Variants in GRID2 observed in about 807,000 individuals in gnomAD.
GRID2 encodes the protein glutamate receptor ionotropic, delta-2.
A neutral mutation model predicts 114.8 loss-of-function variants in GRID2; 33 were observed. That is an observed-to-expected ratio of 0.29 (90% confidence interval 0.22 to 0.38). GRID2 has a LOEUF of 0.38. Ranked by LOEUF, GRID2 falls within the 10% of genes least tolerant of loss-of-function variation. GRID2 has a pLI of 1.00. For missense variants in GRID2, 1,184 were observed against 1,257.7 expected (o/e 0.94, Z 0.89); for synonymous variants, 505 against 449.9 (o/e 1.12, Z -1.55).
chr4:93,105,231 C>T (rs554833904), intron 3 of GRID2, among the ~76,000 whole-genome samples: 55 of 151,988 alleles, frequency 3.6e-4, no homozygotes, highest in South Asian at 2.7e-3. Context: ...GAGTAGGTTG[C>T]GAAAATTTTC....
chr4:93,613,148 G>A (rs967267058), intron 13 of GRID2, among the ~76,000 whole-genome samples: 1 of 148,800 alleles, frequency 6.7e-6, no homozygotes, highest in African/African-American at 2.5e-5. Flanking sequence ...CTCGAGCCTT[G>A]GTTTTCAGGT....
chr4:93,432,625 A>G (rs978029133), intron 10 of GRID2, among the ~76,000 whole-genome samples: 2 of 152,168 alleles, frequency 1.3e-5, no homozygotes, highest in African/African-American at 4.8e-5. Context: ...TAGATGAAGC[A>G]TAGGGGATTT....
intron 1 of GRID2, among the ~76,000 whole-genome samples, chr4:92,541,226 T>C (rs1050717277): frequency 2.0e-5 from 3 of 151,794 alleles, no homozygotes; most frequent in Non-Finnish European, 2.9e-5. Flanking sequence ...CACACCAACA[T>C]GGCACATGTA....
At chr4:93,476,799 A>C (rs1725362514) in intron 11 of GRID2, among the ~76,000 whole-genome samples, 1 of 152,130 alleles carries the variant, frequency 6.6e-6, no homozygotes, top group African/African-American at 2.4e-5. Flanking sequence ...TTGTTTTTGA[A>C]ACTTATATCA....
chr4:92,657,283 A>C (rs770644913), intron 2 of GRID2, among the ~76,000 whole-genome samples: 1 of 151,662 alleles, frequency 6.6e-6, no homozygotes, highest in Non-Finnish European at 1.5e-5. Flanking sequence ...GTGACTTCAT[A>C]GTGTCTGAAC....
rs184875732 is a variant in GRID2 at position 92,425,907 on chromosome 4, A to T, written c.88+121163A>T. On this transcript the variant is annotated intron_variant, in intron 1 of 15. Coordinates refer to ENST00000282020, the MANE Select transcript of GRID2 (RefSeq NM_001510.4). ...TACTCAATATGTATTAGGTGTTATT[A>T]TTATTTGTATTTTTTAATCAGGAAA... Among the ~76,000 whole-genome samples the T allele has an allele frequency of 7.3e-4, 111 of 152,192 alleles. 1 individual carries two copies. The East Asian group carries it at 0.02, about 28-fold the overall frequency.
At chr4:93,675,154 A>G (rs75906609) in intron 14 of GRID2, among the ~76,000 whole-genome samples, 4,661 of 152,208 alleles carry the variant, frequency 0.031, 110 homozygotes, top group African/African-American at 0.062. Context: ...CCTGTCATAT[A>G]TTGCGTGTGT....
chr4:93,644,486 G>A (rs1403375885), intron 14 of GRID2, among the ~76,000 whole-genome samples: 1 of 152,090 alleles, frequency 6.6e-6, no homozygotes, highest in Non-Finnish European at 1.5e-5. Context: ...GGTTTTGATA[G>A]TAAAATTTTT....
At chr4:92,907,032 ACTT>A (rs1022389778) in intron 2 of GRID2, among the ~76,000 whole-genome samples, 10 of 152,264 alleles carry the variant, frequency 6.6e-5, no homozygotes, top group African/African-American at 9.6e-5. Context: ...TATGTAGCAC[ACTT>A]CTTCTTGTTT....
intron 13 of GRID2, among the ~76,000 whole-genome samples, chr4:93,582,097 G>A (rs1157968040): frequency 6.6e-6 from 1 of 152,134 alleles, no homozygotes; most frequent in Non-Finnish European, 1.5e-5. Flanking sequence ...TGGGTCACAT[G>A]TTCAAAATGG....
At chr4:93,226,282 A>T (rs1193658629) in intron 7 of GRID2, among the ~76,000 whole-genome samples, 1 of 152,190 alleles carries the variant, frequency 6.6e-6, no homozygotes, top group Non-Finnish European at 1.5e-5. Flanking sequence ...CACATGATTC[A>T]TCATGACGCA....
intron 12 of GRID2, among the ~76,000 whole-genome samples, chr4:93,498,661 T>A (rs1426698201): frequency 6.6e-6 from 1 of 151,842 alleles, no homozygotes; most frequent in Non-Finnish European, 1.5e-5. Flanking sequence ...CTTTATTAGT[T>A]TTAGGAGTTT....
At chr4:93,187,129 C>T (rs1294738563) in intron 4 of GRID2, among the ~76,000 whole-genome samples, 2 of 152,148 alleles carry the variant, frequency 1.3e-5, no homozygotes, top group Non-Finnish European at 2.9e-5. Flanking sequence ...CCCACCTTCT[C>T]ATATGGTCAC....
intron 1 of GRID2, among the ~76,000 whole-genome samples, chr4:92,307,527 CTT>C (rs145142187): frequency 1.1e-3 from 165 of 152,196 alleles, no homozygotes; most frequent in African/African-American, 3.9e-3. Context: ...TTCTTTCTCT[CTT>C]TCTCTTCAGT....
At chr4:92,800,860 T>G (rs112817825) in intron 2 of GRID2, among the ~76,000 whole-genome samples, 5 of 152,108 alleles carry the variant, frequency 3.3e-5, no homozygotes, top group African/African-American at 7.2e-5. Flanking sequence ...GCTAAAATCT[T>G]AAAACACAGA....
Position 93,173,804 on chromosome 4 carries a change from A to G in GRID2, c.736-33600A>G, listed in dbSNP as rs1739082323. The stretch of plus-strand genomic sequence containing the variant: ...GCCACCACACCCAGCTCATTTTTAT[A>G]TGTTTTTGGTAGAGACAGGGTCTTG... On this transcript the variant is annotated intron_variant, in intron 4 of 15. Transcript: ENST00000282020. Among the ~76,000 whole-genome samples, 3 of 151,856 alleles carry G rather than the reference A, an allele frequency of 2.0e-5. No individual in the cohort carries two copies. The South Asian group carries it at 6.2e-4, about 32-fold the overall frequency.
At chr4:93,636,917 C>T (rs897219019) in intron 14 of GRID2, among the ~76,000 whole-genome samples, 1 of 152,268 alleles carries the variant, frequency 6.6e-6, no homozygotes, top group South Asian at 2.1e-4. Flanking sequence ...AGTGTCCCAT[C>T]CCCTGCCCTG....
At chr4:93,457,987 G>A (rs1372170346) in intron 11 of GRID2, among the ~76,000 whole-genome samples, 4 of 152,172 alleles carry the variant, frequency 2.6e-5, no homozygotes, top group South Asian at 4.1e-4. Flanking sequence ...AGGAGATATT[G>A]GAATGTAGGA....
chr4:92,676,401 C>T (rs974638692), intron 2 of GRID2, among the ~76,000 whole-genome samples: 3 of 151,784 alleles, frequency 2.0e-5, no homozygotes, highest in South Asian at 2.1e-4. Context: ...AGGATGGTCT[C>T]GATCTTCTGA....
Sources: gnomAD v4.1 joint callset for allele counts (sites outside exome capture counted in the v4.1 genomes callset) on GRCh38, gnomAD v4.1.1 for gene constraint, MANE v1.5 for transcripts, NCBI Gene and HGNC (gene_info 2026-07-23, HGNC 2026-07-21) for gene names.